The following IPMK variants were observed in gnomAD, a reference collection of about 807,000 sequenced individuals.
The protein encoded by IPMK is inositol 1,3,4,6-tetrakisphosphate 5-kinase.
Under a neutral mutation model 45.8 loss-of-function variants are expected in IPMK, and 17 were observed. The observed-to-expected ratio is 0.37, with a 90% CI of 0.25 to 0.56. IPMK has a LOEUF of 0.56. Ranked by LOEUF, IPMK falls within the 20% of genes least tolerant of loss-of-function variation. The pLI, the probability that IPMK is intolerant of heterozygous loss-of-function variation, is 0.79. For synonymous variants in IPMK, 180 were observed against 184.3 expected (o/e 0.98, Z 0.19); for missense variants, 399 against 498.0 (o/e 0.80, Z 1.89).
intron 1 of IPMK, among the ~76,000 whole-genome samples, chr10:58,261,727 C>T (rs1038472752): frequency 6.6e-6 from 1 of 151,932 alleles, no homozygotes; most frequent in African/African-American, 2.4e-5. Context: ...GGACTATAGG[C>T]GCCACCAACA....
intron 4 of IPMK, among the ~76,000 whole-genome samples, chr10:58,202,449 G>A (rs566265293): frequency 2.6e-5 from 4 of 152,266 alleles, no homozygotes; most frequent in Non-Finnish European, 5.9e-5. Context: ...AGGACAACTT[G>A]AGGCAAGGAG....
Position 58,267,490 on chromosome 10 carries a change from C to T in IPMK, c.122G>A (p.Arg41His), listed in dbSNP as rs1313456320. ...GTPQPAGGRL[R>H]FLNGCVPLSH... ...GAGGGGCACGCAGCCGTTGAGGAAGCGGAGTCTGCCGCCCGCCGGCTGCGG... is the reference window on the plus strand; with the variant it reads ...GAGGGGCACGCAGCCGTTGAGGAAGTGGAGTCTGCCGCCCGCCGGCTGCGG... The change falls in exon 1 of 6, where the codon CGC becomes CAC. Residue 41 changes from arginine (R) to histidine (H), a missense_variant. Around this residue, in one of 2 missense-constraint regions of IPMK, gnomAD observed 111 missense variants for 99.9 expected, o/e 1.11. Coordinates refer to ENST00000373935, the MANE Select transcript of IPMK (RefSeq NM_152230.5). 2 of 1,613,496 alleles carry T rather than the reference C, an allele frequency of 1.2e-6. No homozygotes were observed. The highest frequency in any genetic ancestry group is 1.3e-5 in the African/African-American group (1 of 74,934).
chr10:58,200,680 T>C (rs1837983680), intron 4 of IPMK, among the ~76,000 whole-genome samples: 1 of 152,222 alleles, frequency 6.6e-6, no homozygotes, highest in Admixed American at 6.5e-5. Flanking sequence ...AAGTAACTTG[T>C]ATTCATACCT....
chr10:58,196,495 A>C lies in IPMK; in HGVS notation c.832T>G (p.Leu278Val). The change falls in exon 6 of 6, where the codon TTG becomes GTG. Residue 278 changes from leucine to valine, a missense_variant. By Grantham distance (32) the Leu-to-Val change is conservative (BLOSUM62 1). Around this residue, in one of 2 missense-constraint regions of IPMK, gnomAD observed 288 missense variants for 398.0 expected, o/e 0.72. Transcript: ENST00000373935. Reference protein sequence around the residue: ...LNDRTLAEKFLSKGQLSDTEV... With the variant: ...LNDRTLAEKFVSKGQLSDTEV... ...GTGTCTGACAGTTGTCCTTTGGACA[A>C]AAACTTTTCTGCCAAAGTTCTGTCA... The C allele has an allele frequency of 6.2e-7, 1 of 1,614,092 alleles. No individual in the cohort carries two copies. The highest frequency in any genetic ancestry group is 8.5e-7 in the Non-Finnish European group (1 of 1,180,000).
chr10:58,204,870 A>G (rs1404612937), intron 4 of IPMK, among the ~76,000 whole-genome samples: 1 of 152,208 alleles, frequency 6.6e-6, no homozygotes, highest in Non-Finnish European at 1.5e-5. Context: ...CCAAAGCAAC[A>G]TTAATCAAAA....
chr10:58,220,387 T>C (rs1220162124), intron 3 of IPMK, among the ~76,000 whole-genome samples: 1 of 152,220 alleles, frequency 6.6e-6, no homozygotes, highest in South Asian at 2.1e-4. Context: ...TGCTTAATCA[T>C]GTTCAAGTTC....
chr10:58,207,630 G>A (rs544394625), intron 4 of IPMK, among the ~76,000 whole-genome samples: 24 of 152,232 alleles, frequency 1.6e-4, no homozygotes, highest in Middle Eastern at 3.4e-3. Context: ...TGCTGTCAGT[G>A]GAGTACTGAA....
chr10:58,256,891 C>A (rs1241191298), intron 1 of IPMK, among the ~76,000 whole-genome samples: 2 of 152,026 alleles, frequency 1.3e-5, no homozygotes, highest in Non-Finnish European at 2.9e-5. Context: ...AGTGAGATCC[C>A]ATCTCTACAA....
At chr10:58,215,689 C>T (rs1838234568) in intron 4 of IPMK, among the ~76,000 whole-genome samples, 1 of 152,148 alleles carries the variant, frequency 6.6e-6, no homozygotes, top group African/African-American at 2.4e-5. Context: ...GGATTATAGG[C>T]ATGAGCCACT....
intron 1 of IPMK, among the ~76,000 whole-genome samples, chr10:58,239,557 A>G (rs1323494432): frequency 2.6e-5 from 4 of 152,178 alleles, no homozygotes; most frequent in Non-Finnish European, 5.9e-5. Context: ...GCGGTAGACA[A>G]CAGCATGGGA....
At chr10:58,246,299 G>A (rs1356001040) in intron 1 of IPMK, among the ~76,000 whole-genome samples, 2 of 150,746 alleles carry the variant, frequency 1.3e-5, no homozygotes, top group African/African-American at 2.5e-5. Context: ...ATTGGAAAAA[G>A]CTACTTTAAA....
chr10:58,198,151 C>T (rs562048737), intron 5 of IPMK, among the ~76,000 whole-genome samples: 1 of 152,128 alleles, frequency 6.6e-6, no homozygotes, highest in African/African-American at 2.4e-5. Flanking sequence ...AATACCAAAC[C>T]ATAACTCTAC....
At chr10:58,215,137 G>A (rs1458625932) in intron 4 of IPMK, among the ~76,000 whole-genome samples, 1 of 152,044 alleles carries the variant, frequency 6.6e-6, no homozygotes, top group Admixed American at 6.5e-5. Flanking sequence ...CAAAGAAAAA[G>A]ACCCAGCCAA....
chr10:58,264,697 G>A (rs1839122951), intron 1 of IPMK, among the ~76,000 whole-genome samples: 1 of 152,080 alleles, frequency 6.6e-6, no homozygotes, highest in South Asian at 2.1e-4. Context: ...ATGGTGAAAA[G>A]TCTAAAAATC....
chr10:58,234,486 AAC>A (rs1234535531), intron 2 of IPMK, among the ~76,000 whole-genome samples: 1 of 152,208 alleles, frequency 6.6e-6, no homozygotes, highest in African/African-American at 2.4e-5. Context: ...AATGGAACAG[AAC>A]AGAGTCCTCA....
chr10:58,243,757 G>C (rs907422524), intron 1 of IPMK, among the ~76,000 whole-genome samples: 1 of 152,356 alleles, frequency 6.6e-6, no homozygotes, highest in African/African-American at 2.4e-5. Flanking sequence ...GCCTCCCAAA[G>C]TGCTAAGATT....
intron 1 of IPMK, among the ~76,000 whole-genome samples, chr10:58,263,501 G>A (rs1301423158): frequency 6.7e-6 from 1 of 149,364 alleles, no homozygotes; most frequent in Non-Finnish European, 1.5e-5. Flanking sequence ...TCCAGCCTGG[G>A]CAACAGAGCA....
At position 58,267,092 on chromosome 10, in the gene IPMK, C is replaced by T. The variant is rs192880654; in HGVS notation, c.190+330G>A. 8.5e-5 allele frequency among the ~76,000 whole-genome samples: 13 copies of T among 152,324 alleles called. No homozygotes were observed. In the East Asian group the frequency reaches 2.5e-3, roughly 29 times the overall value. ...TTGTGCTCAAGGGAGAATTTACTTC[C>T]CCGTCCAGTAAAAATGAAGTTCCTT... On this transcript the variant is annotated intron_variant, in intron 1 of 5. Transcript: ENST00000373935.
chr10:58,212,205 T>C (rs1049729167), intron 4 of IPMK, among the ~76,000 whole-genome samples: 2 of 152,208 alleles, frequency 1.3e-5, no homozygotes, highest in Non-Finnish European at 2.9e-5. Flanking sequence ...CCGTGAAAGT[T>C]ATTTAACAAC....
Sources: allele counts gnomAD v4.1 joint callset (sites outside exome capture counted in the v4.1 genomes callset), GRCh38; gene constraint gnomAD v4.1.1; regional missense constraint gnomAD v4.1.1; transcripts MANE v1.5; gene names NCBI Gene and HGNC (gene_info 2026-07-23, HGNC 2026-07-21).